GABRA5: variants seen among roughly 807,000 people sequenced by gnomAD.
The protein encoded by GABRA5 is gamma-aminobutyric acid type A receptor subunit alpha5.
A neutral mutation model predicts 47.3 loss-of-function variants in GABRA5; 18 were observed. The observed-to-expected ratio is 0.38, with a 90% CI of 0.26 to 0.56. The LOEUF (loss-of-function observed/expected upper bound fraction) is 0.56. Among genes scored for constraint, GABRA5 ranks in the 20% least tolerant of loss-of-function variants. The pLI is 0.71. For synonymous variants in GABRA5, 237 were observed against 229.3 expected (o/e 1.03, Z -0.30); for missense variants, 365 against 599.3 (o/e 0.61, Z 4.08).
intron 6 of GABRA5, among the ~76,000 whole-genome samples, chr15:26,895,110 G>A (rs1893149216): frequency 6.6e-6 from 1 of 151,404 alleles, no homozygotes; most frequent in East Asian, 2.0e-4. Context: ...TCTACCCGGG[G>A]GCACAAGCCC....
chr15:26,890,426 A>ATT (rs201726196), intron 6 of GABRA5, among the ~76,000 whole-genome samples: 19 of 128,570 alleles, frequency 1.5e-4, no homozygotes, highest in East Asian at 2.3e-4. Context: ...AGTCACTTCA[A>ATT]TTTTTTTTTT....
At chr15:26,941,157 C>T (rs1024407699) in intron 9 of GABRA5, among the ~76,000 whole-genome samples, 1 of 152,128 alleles carries the variant, frequency 6.6e-6, no homozygotes, top group East Asian at 1.9e-4. Context: ...CAAGCCTGAG[C>T]GAGCATCAGG....
chr15:26,890,273 GAGAGT>G (rs1892973125), intron 6 of GABRA5, among the ~76,000 whole-genome samples: 1 of 152,060 alleles, frequency 6.6e-6, no homozygotes, highest in Admixed American at 6.6e-5. Flanking sequence ...CATCAACAGT[GAGAGT>G]AGAGACCACC....
At chr15:26,905,278 C>CA (rs1385714493) in intron 6 of GABRA5, among the ~76,000 whole-genome samples, 3 of 59,100 alleles carry the variant, frequency 5.1e-5, no homozygotes, top group African/African-American at 1.5e-4. Flanking sequence ...TCTTGGTTGA[C>CA]AAGTTTTTTT....
chr15:26,932,712 C>A (rs1272299477), intron 7 of GABRA5, among the ~76,000 whole-genome samples: 3 of 152,102 alleles, frequency 2.0e-5, no homozygotes, highest in African/African-American at 7.2e-5. Context: ...TGGAATCAAC[C>A]CAAATGCCCA....
intron 7 of GABRA5, among the ~76,000 whole-genome samples, chr15:26,917,276 A>G (rs965574488): frequency 2.6e-5 from 4 of 152,122 alleles, no homozygotes; most frequent in Admixed American, 1.3e-4. Context: ...GAGAATTTTT[A>G]TCATGAAAGG....
chr15:26,912,438 CT>C (rs1310495665), intron 6 of GABRA5, among the ~76,000 whole-genome samples: 1 of 152,204 alleles, frequency 6.6e-6, no homozygotes, highest in Non-Finnish European at 1.5e-5. Context: ...TTATAGGTGA[CT>C]TTTTAAAAAG....
intron 7 of GABRA5, among the ~76,000 whole-genome samples, chr15:26,935,177 A>G (rs1894207793): frequency 1.3e-5 from 2 of 152,202 alleles, no homozygotes; most frequent in Admixed American, 1.3e-4. Context: ...TGAGGAGAGC[A>G]GAACTTGGTG....
chr15:26,915,915 C>G (rs139473504), intron 7 of GABRA5, among the ~76,000 whole-genome samples: 113 of 152,170 alleles, frequency 7.4e-4, no homozygotes, highest in African/African-American at 2.6e-3. Context: ...CAGAGTAACA[C>G]CAGTTAAAGT....
At chr15:26,900,554 T>C (rs1213932925) in intron 6 of GABRA5, among the ~76,000 whole-genome samples, 1 of 152,160 alleles carries the variant, frequency 6.6e-6, no homozygotes, top group Non-Finnish European at 1.5e-5. Context: ...ATTTCATTTT[T>C]GGAGCAGTTT....
chr15:26,946,437 T>G (rs957164901), intron 10 of GABRA5, among the ~76,000 whole-genome samples: 5 of 148,710 alleles, frequency 3.4e-5, no homozygotes, highest in Admixed American at 1.3e-4. Context: ...TTATCTGTTT[T>G]TTTTTTTTTT....
At chr15:26,882,299 G>A (rs994752496) in intron 4 of GABRA5, among the ~76,000 whole-genome samples, 1 of 152,140 alleles carries the variant, frequency 6.6e-6, no homozygotes, top group African/African-American at 2.4e-5. Context: ...ATCTCAGTGA[G>A]GAGACAGGCA....
intron 9 of GABRA5, among the ~76,000 whole-genome samples, chr15:26,941,446 A>G (rs1894382255): frequency 1.3e-5 from 2 of 152,188 alleles, no homozygotes; most frequent in Admixed American, 1.3e-4. Flanking sequence ...TCTCAAAAAA[A>G]AAATCAAAGA....
chr15:26,933,282 G>C (rs1464019024), intron 7 of GABRA5, among the ~76,000 whole-genome samples: 2 of 152,150 alleles, frequency 1.3e-5, no homozygotes, highest in Non-Finnish European at 2.9e-5. Flanking sequence ...GAGGGGAAAA[G>C]AGGGACGTAA....
chr15:26,889,288 A>G (rs1329694695), intron 6 of GABRA5, among the ~76,000 whole-genome samples: 1 of 152,202 alleles, frequency 6.6e-6, no homozygotes, highest in Non-Finnish European at 1.5e-5. Flanking sequence ...CTTCGGAGTT[A>G]GGCTGACTTA....
chr15:26,877,474 A>C (rs1309360448), intron 3 of GABRA5, among the ~76,000 whole-genome samples: 4 of 152,226 alleles, frequency 2.6e-5, no homozygotes, highest in Non-Finnish European at 5.9e-5. Context: ...AAGAAGACAG[A>C]TAAGCTGCAG....
intron 7 of GABRA5, 31 bp from the exon 8 acceptor site, chr15:26,937,154 T>G (rs1456363400): frequency 1.2e-6 from 2 of 1,612,612 alleles, no homozygotes; most frequent in African/African-American, 2.7e-5. Flanking sequence ...GATTTCATGT[T>G]TATGTCACTT....
chr15:26,931,212 T>C (rs1010778827), intron 7 of GABRA5, among the ~76,000 whole-genome samples: 93 of 152,302 alleles, frequency 6.1e-4, no homozygotes, highest in African/African-American at 2.1e-3. Flanking sequence ...AATTTCTATC[T>C]GGGTTCATTC....
intron 3 of GABRA5, among the ~76,000 whole-genome samples, chr15:26,874,723 A>C (rs1892551498): frequency 6.6e-6 from 1 of 152,248 alleles, no homozygotes; most frequent in Non-Finnish European, 1.5e-5. Flanking sequence ...AACAGGCTTC[A>C]GCAGTTCATT....
Sources: gnomAD v4.1 joint callset for allele counts (sites outside exome capture counted in the v4.1 genomes callset) on GRCh38, gnomAD v4.1.1 for gene constraint, MANE v1.5 for transcripts, NCBI Gene and HGNC (gene_info 2026-07-23, HGNC 2026-07-21) for gene names.